Variants in HMCN1 observed in about 807,000 individuals in gnomAD.
HMCN1 encodes hemicentin-1.
Under a neutral mutation model 625.9 loss-of-function variants are expected in HMCN1, and 321 were observed. That is an observed-to-expected ratio of 0.51 (90% CI 0.47 to 0.56). The LOEUF is 0.56. HMCN1 is among the 20% of genes least tolerant of loss of function. The pLI is 0.00. For missense variants in HMCN1, 6,588 were observed against 6,887.3 expected (o/e 0.96, Z 1.54); for synonymous variants, 2,425 against 2,417.6 (o/e 1.00, Z -0.09).
chr1:185,871,597 T>C (rs1384153426), intron 4 of HMCN1, among the ~76,000 whole-genome samples: 1 of 152,218 alleles, frequency 6.6e-6, no homozygotes, highest in Non-Finnish European at 1.5e-5. Context: ...TTACTAGGTT[T>C]TTCAAAGGAA....
intron 1 of HMCN1, among the ~76,000 whole-genome samples, chr1:185,752,961 A>G (rs755163450): frequency 1.3e-5 from 2 of 152,156 alleles, no homozygotes; most frequent in Non-Finnish European, 2.9e-5. Context: ...CAATCTAGCA[A>G]TATATAAAAA....
At chr1:185,773,455 T>C (rs1050452971) in intron 1 of HMCN1, among the ~76,000 whole-genome samples, 3 of 152,190 alleles carry the variant, frequency 2.0e-5, no homozygotes, top group Non-Finnish European at 4.4e-5. Flanking sequence ...ACACTTATTG[T>C]TATTGATGAT....
chr1:185,958,989 T>C (rs370473462), intron 11 of HMCN1, among the ~76,000 whole-genome samples: 53 of 152,320 alleles, frequency 3.5e-4, no homozygotes, highest in Middle Eastern at 3.4e-3. Flanking sequence ...CTTTATAGTG[T>C]CTGTGAGATC....
intron 1 of HMCN1, among the ~76,000 whole-genome samples, chr1:185,771,781 T>C (rs1571327832): frequency 6.6e-6 from 1 of 152,174 alleles, no homozygotes; most frequent in East Asian, 1.9e-4. Context: ...GGTGGCAGAA[T>C]CTGTTGATAC....
At chr1:185,959,963 C>T (rs899978249) in intron 11 of HMCN1, among the ~76,000 whole-genome samples, 1 of 152,004 alleles carries the variant, frequency 6.6e-6, no homozygotes, top group African/African-American at 2.4e-5. Flanking sequence ...AAAAAATTAG[C>T]AGTTGAAATA....
At chr1:185,896,832 A>G (rs1289717624) in intron 4 of HMCN1, among the ~76,000 whole-genome samples, 4 of 152,252 alleles carry the variant, frequency 2.6e-5, no homozygotes, top group Non-Finnish European at 4.4e-5. Flanking sequence ...TAGGTATACT[A>G]TAACTTAAGA....
intron 23 of HMCN1, among the ~76,000 whole-genome samples, chr1:185,993,645 C>T (rs1231076151): frequency 1.3e-5 from 2 of 152,056 alleles, no homozygotes; most frequent in African/African-American, 4.8e-5. Context: ...GAAGCTAATA[C>T]AAATTTCAAA....
intron 53 of HMCN1, among the ~76,000 whole-genome samples, 189 bp downstream of exon 53, chr1:186,075,080 ATG>A (rs1658727735): frequency 1.3e-5 from 2 of 152,120 alleles, no homozygotes; most frequent in African/African-American, 4.8e-5. Flanking sequence ...TGTTATTTTT[ATG>A]TGTTTCCTTC....
intron 94 of HMCN1, 66 bp downstream of exon 94, chr1:186,151,415 T>G: frequency 6.7e-7 from 1 of 1,485,204 alleles, no homozygotes; most frequent in Non-Finnish European, 9.3e-7. Flanking sequence ...TTACTTCCAT[T>G]AAAGTTCTAG....
In HMCN1 at chr1:185,928,549, A is replaced by T; in HGVS notation, c.1434A>T (p.Glu478Asp). ...VTLGVDQYLK[E>D]SASVNLDIAK... ...TTTTCCATTTTCTTACCTCCAGAGA[A>T]TCTGCCAGTGTGAACTTAGATATTG... Residue 478 changes from glutamate to aspartate, a missense_variant, in exon 10 of 107, where the codon GAA (glutamate) becomes GAT (aspartate). By Grantham distance (45) the Glu-to-Asp change is conservative (BLOSUM62 2). Coordinates refer to ENST00000271588, the MANE Select transcript of HMCN1 (RefSeq NM_031935.3). 1 of 1,612,964 alleles carries T rather than the reference A, an allele frequency of 6.2e-7. No individual in the cohort carries two copies. Among genetic ancestry groups the T allele is most frequent in the African/African-American group, 1.3e-5 (1 of 75,008 alleles).
chr1:186,115,014 A>C (rs1661064683), intron 74 of HMCN1, 68 bp downstream of exon 74: 1 of 1,602,752 alleles, frequency 6.2e-7, no homozygotes, highest in African/African-American at 1.3e-5. Flanking sequence ...TAAACTAGTG[A>C]GGTCATAAAG....
At chr1:186,065,134 C>T in intron 48 of HMCN1, 104 bp from the exon 49 acceptor site, 2 of 809,524 alleles carry the variant, frequency 2.5e-6, no homozygotes, top group Non-Finnish European at 4.1e-6. Flanking sequence ...GTGTTTTAGA[C>T]ATGGGATATG....
chr1:185,780,289 G>A (rs1571340189), intron 1 of HMCN1, among the ~76,000 whole-genome samples: 1 of 152,214 alleles, frequency 6.6e-6, no homozygotes, highest in African/African-American at 2.4e-5. Context: ...CATGTCATCT[G>A]CAAACAGGGA....
intron 39 of HMCN1, 67 bp from the exon 40 acceptor site, chr1:186,040,946 G>GA (rs1349110890): frequency 5.1e-6 from 8 of 1,572,534 alleles, no homozygotes; most frequent in African/African-American, 2.7e-5. Flanking sequence ...AAAAATAAGA[G>GA]AAAAAATCTA....
intron 58 of HMCN1, among the ~76,000 whole-genome samples, chr1:186,086,672 A>T (rs191285777): frequency 1.3e-5 from 2 of 152,216 alleles, no homozygotes; most frequent in Admixed American, 1.3e-4. Context: ...TAGTAATACC[A>T]AGTGGTAGAT....
Position 186,074,748 on chromosome 1 carries a change from A to T in HMCN1, c.8147A>T (p.Lys2716Ile), listed in dbSNP as rs1658699761. 1.2e-6 allele frequency: 2 copies of T among 1,612,772 alleles called. No homozygotes were observed. Among genetic ancestry groups the T allele is most frequent in the Admixed American group, 1.7e-5 (1 of 59,902 alleles). ...GTTATAATTGAATCACAGCCCCTTA[A>T]ATCCGATGATCATGTTAATATTGCT... ...LSWYKDGQPL[K>I]SDDHVNIAAN... Residue 2716 changes from lysine to isoleucine, a missense_variant, in exon 53 of 107, where the codon AAA becomes ATA. Physicochemically the swap from Lys to Ile is moderately radical, Grantham distance 102. Around this residue, in one of 3 missense-constraint regions of HMCN1, gnomAD observed 4,628 missense variants for 4,853.1 expected, o/e 0.95. Transcript: ENST00000271588.
rs1439173744 is a variant in HMCN1 at position 185,873,707 on chromosome 1, A to G, written c.621+7844A>G. Among the ~76,000 whole-genome samples, 2 of 152,072 alleles carry G rather than the reference A, an allele frequency of 1.3e-5. 1 individual carries two copies. Among genetic ancestry groups the G allele is most frequent in the South Asian group, 4.1e-4 (2 of 4,832 alleles). ...ACTCTCACAGAAAATAGAAAAATGC[A>G]AAAGGTTTGTTATTACATCTTTTCT... On this transcript the variant is annotated intron_variant, in intron 4 of 106. Transcript: ENST00000271588.
In HMCN1 at chr1:186,016,908, G is replaced by T. The variant is rs940077686; in HGVS notation, c.5192-55G>T. On this transcript the variant is annotated intron_variant, in intron 32 of 106. Coordinates refer to ENST00000271588, the MANE Select transcript of HMCN1 (RefSeq NM_031935.3). ...CTATGTATTATTGCTTCATATGATG[G>T]TGTGTTTTTTGTTGTATACATTTCT... 5.3e-5 allele frequency: 49 copies of T among 925,584 alleles called. No homozygotes were observed. In the African/African-American group the frequency reaches 7.8e-4, roughly 15 times the overall value. 57.3% of individuals were successfully genotyped at this position (925,584 alleles called of 1,614,324 possible). A position where few individuals can be genotyped will look rare whatever the true frequency, so the allele number is the denominator to read the frequency against.
intron 1 of HMCN1, among the ~76,000 whole-genome samples, chr1:185,825,402 C>T (rs537853322): frequency 4.5e-4 from 68 of 152,214 alleles, no homozygotes; most frequent in Admixed American, 1.3e-4. Context: ...ATGATTTGTG[C>T]AGTGCTTTCT....
Sources: gnomAD v4.1 joint callset for allele counts (sites outside exome capture counted in the v4.1 genomes callset) on GRCh38, gnomAD v4.1.1 for gene constraint, gnomAD v4.1.1 regional missense constraint, MANE v1.5 for transcripts, NCBI Gene and HGNC (gene_info 2026-07-23, HGNC 2026-07-21) for gene names.